TIAM1: variants seen among roughly 807,000 people sequenced by gnomAD.
The protein encoded by TIAM1 is TIAM Rac1 associated GEF 1, also known as rho guanine nucleotide exchange factor TIAM1.
TIAM1 carries 65 observed loss-of-function variants against 163.5 expected under a neutral mutation model. The observed-to-expected ratio is 0.40, with a 90% CI of 0.33 to 0.49. The LOEUF (loss-of-function observed/expected upper bound fraction) is 0.49. TIAM1 is among the 20% of genes least tolerant of loss of function. The pLI is 0.77. For synonymous variants in TIAM1, 833 were observed against 810.1 expected (o/e 1.03, Z -0.48); for missense variants, 1,789 against 2,044.7 (o/e 0.87, Z 2.41).
intron 2 of TIAM1, among the ~76,000 whole-genome samples, chr21:31,334,926 C>T (rs116817528): frequency 0.01 from 1,530 of 152,270 alleles, 40 homozygotes; most frequent in African/African-American, 0.035. Context: ...TGGAGACTGG[C>T]TGCAACCACC....
intron 2 of TIAM1, among the ~76,000 whole-genome samples, chr21:31,352,089 C>T (rs979848887): frequency 1.3e-5 from 2 of 151,606 alleles, no homozygotes; most frequent in Non-Finnish European, 2.9e-5. Context: ...AAAAGTGCAT[C>T]TTTGCTAACG....
chr21:31,280,367 T>C (rs1315824480), intron 2 of TIAM1, among the ~76,000 whole-genome samples: 2 of 152,168 alleles, frequency 1.3e-5, no homozygotes, highest in East Asian at 3.9e-4. Flanking sequence ...GCTCTCTCTT[T>C]GCCTACGGCC....
chr21:31,187,127 T>C, intron 13 of TIAM1, 40 bp from the exon 14 acceptor site: 2 of 1,584,846 alleles, frequency 1.3e-6, no homozygotes, highest in South Asian at 1.1e-5. Flanking sequence ...GGCTCACACC[T>C]TCTGAATGTT....
chr21:31,272,262 A>T (rs1005887127), intron 3 of TIAM1, among the ~76,000 whole-genome samples: 5 of 152,196 alleles, frequency 3.3e-5, no homozygotes, highest in African/African-American at 1.2e-4. Context: ...AAACAAAATG[A>T]TTGTATGTGT....
intron 8 of TIAM1, among the ~76,000 whole-genome samples, chr21:31,222,503 G>A (rs2087614043): frequency 6.6e-6 from 1 of 151,762 alleles, no homozygotes; most frequent in African/African-American, 2.4e-5. Context: ...ATGCATATAT[G>A]TTCAGCTGGC....
chr21:31,412,500 A>T (rs2077375991), intron 2 of TIAM1, among the ~76,000 whole-genome samples: 1 of 151,846 alleles, frequency 6.6e-6, no homozygotes, highest in Non-Finnish European at 1.5e-5. Context: ...AGGTGCACGA[A>T]GCCAGGCACA....
At chr21:31,443,066 G>T (rs901889006) in intron 2 of TIAM1, among the ~76,000 whole-genome samples, 1 of 152,224 alleles carries the variant, frequency 6.6e-6, no homozygotes, top group Non-Finnish European at 1.5e-5. Flanking sequence ...AATTTCCACA[G>T]AAAGCGTATC....
At chr21:31,153,003 C>G in intron 18 of TIAM1, 63 bp downstream of exon 18, 1 of 1,501,618 alleles carries the variant, frequency 6.7e-7, no homozygotes, top group Non-Finnish European at 9.1e-7. Context: ...CCCATTTTTC[C>G]TCTTTACCAA....
chr21:31,344,583 T>C (rs2076110407), upstream of TIAM1, among the ~76,000 whole-genome samples: 1 of 152,174 alleles, frequency 6.6e-6, no homozygotes, highest in Non-Finnish European at 1.5e-5. Context: ...AGGCCAGCAA[T>C]GTTACATAAG....
intron 5 of TIAM1, among the ~76,000 whole-genome samples, chr21:31,250,803 T>C (rs976698314): frequency 1.2e-4 from 19 of 152,216 alleles, no homozygotes; most frequent in African/African-American, 4.6e-4. Flanking sequence ...CCAGGATGTA[T>C]GCAGTACGTG....
At chr21:31,290,414 A>C (rs2073973411) in intron 2 of TIAM1, among the ~76,000 whole-genome samples, 1 of 152,036 alleles carries the variant, frequency 6.6e-6, no homozygotes, top group Non-Finnish European at 1.5e-5. Flanking sequence ...CAGGCAGATC[A>C]CTTGAGGTCC....
At chr21:31,137,225 G>A (rs771517676) in intron 22 of TIAM1, among the ~76,000 whole-genome samples, 1 of 152,172 alleles carries the variant, frequency 6.6e-6, no homozygotes, top group Non-Finnish European at 1.5e-5. Context: ...TGCCCTTCTC[G>A]AGCCACCAAA....
intron 14 of TIAM1, among the ~76,000 whole-genome samples, chr21:31,185,303 T>G (rs931390010): frequency 6.6e-6 from 1 of 151,132 alleles, no homozygotes; most frequent in Non-Finnish European, 1.5e-5. Context: ...GCAACCTTCT[T>G]TGGAAATAGG....
chr21:31,417,433 G>A (rs2043410668), intron 2 of TIAM1, among the ~76,000 whole-genome samples: 1 of 152,132 alleles, frequency 6.6e-6, no homozygotes, highest in Admixed American at 6.6e-5. Flanking sequence ...CATGGTGGCA[G>A]GCAAAAGGAA....
At position 31,203,279 on chromosome 21, in the gene TIAM1, C is replaced by T. The variant is rs534514254; in HGVS notation, c.2389-267G>A. Among the ~76,000 whole-genome samples the T allele has an allele frequency of 2.3e-3, 345 of 152,178 alleles. 1 individual carries two copies. The highest frequency in any genetic ancestry group is 8.1e-3 in the African/African-American group (337 of 41,534). Reference sequence around the variant, plus strand: ...CTGGGATTACAGGCGCCCACCACCACGCCCAGCTGATTTTTGTGTTTTTAG... The same window carrying T: ...CTGGGATTACAGGCGCCCACCACCATGCCCAGCTGATTTTTGTGTTTTTAG... On this transcript the variant is annotated intron_variant, in intron 11 of 27. Coordinates refer to ENST00000541036, the MANE Select transcript of TIAM1 (RefSeq NM_001353694.2).
intron 15 of TIAM1, among the ~76,000 whole-genome samples, chr21:31,173,037 G>A (rs563052238): frequency 2.6e-5 from 4 of 152,166 alleles, no homozygotes; most frequent in East Asian, 1.9e-4. Context: ...GACAGACAAC[G>A]AGGAGATTTG....
chr21:31,200,982 T>C (rs542118876), intron 12 of TIAM1, among the ~76,000 whole-genome samples: 1 of 152,270 alleles, frequency 6.6e-6, no homozygotes, highest in South Asian at 2.1e-4. Flanking sequence ...ATACAAAAAT[T>C]GTAGATCCAA....
At chr21:31,161,769 C>T (rs1311157015) in intron 16 of TIAM1, among the ~76,000 whole-genome samples, 4 of 152,182 alleles carry the variant, frequency 2.6e-5, no homozygotes, top group Admixed American at 2.6e-4. Flanking sequence ...CTCGTGCATT[C>T]AGACAAGGCT....
At chr21:31,209,980 G>C in intron 11 of TIAM1, 65 bp downstream of exon 11, 1 of 1,536,244 alleles carries the variant, frequency 6.5e-7, no homozygotes, top group Non-Finnish European at 8.8e-7. Flanking sequence ...TTCCACATGT[G>C]CCTTAGAAGA....
Sources: allele counts gnomAD v4.1 joint callset (sites outside exome capture counted in the v4.1 genomes callset), GRCh38; gene constraint gnomAD v4.1.1; transcripts MANE v1.5; gene names NCBI Gene and HGNC (gene_info 2026-07-23, HGNC 2026-07-21).